The following CDKL3 variants were observed in gnomAD, a reference collection of about 807,000 sequenced individuals.
The protein encoded by CDKL3 is cyclin dependent kinase like 3.
Under a neutral mutation model 69.3 loss-of-function variants are expected in CDKL3, and 65 were observed. The ratio of observed to expected loss-of-function variants is 0.94; its 90% CI spans 0.77 to 1.15. The LOEUF (loss-of-function observed/expected upper bound fraction) is 1.15, where lower values mean the gene tolerates loss of function less well. Among genes scored for constraint, CDKL3 ranks in the 50% most tolerant of loss-of-function variants. The pLI is 0.00. For synonymous variants in CDKL3, 202 were observed against 221.6 expected, an observed-to-expected ratio of 0.91 and a Z score of 0.79; for missense variants, 652 against 689.2, an observed-to-expected ratio of 0.95 and a Z score of 0.61.
At chr5:134,346,981 T>C (rs544616984) in intron 4 of CDKL3, among the ~76,000 whole-genome samples, 4 of 152,168 alleles carry the variant, frequency 2.6e-5, no homozygotes, top group African/African-American at 7.2e-5. Context: ...AGTTTCTCTA[T>C]GTGAACTATA....
chr5:134,326,019 C>T (rs576282070), intron 4 of CDKL3, among the ~76,000 whole-genome samples: 87 of 150,874 alleles, frequency 5.8e-4, no homozygotes, highest in African/African-American at 1.9e-3. Flanking sequence ...ATGATCCGCA[C>T]GCCTCGGCCT....
intron 4 of CDKL3, among the ~76,000 whole-genome samples, chr5:134,340,733 C>T (rs1038737488): frequency 5.3e-5 from 8 of 151,846 alleles, no homozygotes; most frequent in South Asian, 2.1e-4. Context: ...AAAAACTACC[C>T]GCAAAGAAAA....
intron 4 of CDKL3, among the ~76,000 whole-genome samples, chr5:134,347,709 A>AG (rs1399526945): frequency 6.6e-6 from 1 of 151,150 alleles, no homozygotes; most frequent in Admixed American, 6.6e-5. Flanking sequence ...AAAAAAAAAA[A>AG]AAAAAAAAAA....
downstream of CDKL3, among the ~76,000 whole-genome samples, chr5:134,284,272 C>T (rs1764755571): frequency 6.6e-6 from 1 of 152,174 alleles, no homozygotes; most frequent in African/African-American, 2.4e-5. Flanking sequence ...ACAGCTGGGC[C>T]TCCGGGGGTG....
chr5:134,343,041 C>CA (rs1750919178), intron 4 of CDKL3, among the ~76,000 whole-genome samples: 1 of 151,986 alleles, frequency 6.6e-6, no homozygotes, highest in African/African-American at 2.4e-5. Flanking sequence ...CCCGTCTCTA[C>CA]AAAAAATTTA....
chr5:134,365,132 G>A (rs1452008558), intron 2 of CDKL3, among the ~76,000 whole-genome samples: 2 of 151,912 alleles, frequency 1.3e-5, no homozygotes, highest in Non-Finnish European at 2.9e-5. Context: ...ACAAGCACCC[G>A]CCACCTCGCC....
chr5:134,354,945 CAAA>C (rs112013809), intron 3 of CDKL3, among the ~76,000 whole-genome samples: 1 of 122,568 alleles, frequency 8.2e-6, no homozygotes. Context: ...GACTCCGTCT[CAAA>C]AAAAAAAAAA....
At chr5:134,284,022 A>C (rs1764741867), downstream of CDKL3, among the ~76,000 whole-genome samples, 1 of 152,102 alleles carries the variant, frequency 6.6e-6, no homozygotes, top group South Asian at 2.1e-4. Flanking sequence ...CTAATGCAAG[A>C]GGTGGGTTCC....
At chr5:134,368,430 A>C (rs1478523584), upstream of CDKL3, among the ~76,000 whole-genome samples, 1 of 152,112 alleles carries the variant, frequency 6.6e-6, no homozygotes, top group African/African-American at 2.4e-5. Context: ...CATCCTGGCT[A>C]ACACGGTGAA....
At chr5:134,354,378 G>A (rs1029204529) in intron 3 of CDKL3, among the ~76,000 whole-genome samples, 7 of 152,162 alleles carry the variant, frequency 4.6e-5, no homozygotes, top group African/African-American at 1.7e-4. Context: ...ATGTCTCAGT[G>A]ACAGAAATCT....
intron 4 of CDKL3, among the ~76,000 whole-genome samples, chr5:134,338,415 T>C (rs562650177): frequency 4.1e-4 from 62 of 151,952 alleles, no homozygotes; most frequent in African/African-American, 1.5e-3. Context: ...AAAGGCCAGG[T>C]GTGGTGGCTC....
intron 4 of CDKL3, among the ~76,000 whole-genome samples, chr5:134,333,354 T>C (rs1776267304): frequency 6.6e-6 from 1 of 152,232 alleles, no homozygotes; most frequent in African/African-American, 2.4e-5. Flanking sequence ...AATACTGTGC[T>C]GAATAGGAGT....
At chr5:134,363,492 A>C (rs1210161629) in intron 2 of CDKL3, among the ~76,000 whole-genome samples, 3 of 109,342 alleles carry the variant, frequency 2.7e-5, no homozygotes, top group African/African-American at 3.7e-5. Context: ...ACAGAGTCTC[A>C]CTCTGTCGCC....
At chr5:134,365,491 T>A (rs1392160865) in intron 2 of CDKL3, among the ~76,000 whole-genome samples, 1 of 152,142 alleles carries the variant, frequency 6.6e-6, no homozygotes, top group Non-Finnish European at 1.5e-5. Flanking sequence ...TTGCTGCATT[T>A]TAGCAAGGGT....
chr5:134,338,056 G>A (rs1777540830), intron 4 of CDKL3, among the ~76,000 whole-genome samples: 1 of 152,014 alleles, frequency 6.6e-6, no homozygotes, highest in South Asian at 2.1e-4. Flanking sequence ...AAAATAATAT[G>A]CATGCAATAC....
chr5:134,325,523 T>C (rs1561558994), intron 4 of CDKL3, among the ~76,000 whole-genome samples: 1 of 152,170 alleles, frequency 6.6e-6, no homozygotes, highest in Non-Finnish European at 1.5e-5. Context: ...CTTTAATTGT[T>C]ATTTAATAAC....
At chr5:134,348,528 A>T (rs1461011821) in intron 4 of CDKL3, among the ~76,000 whole-genome samples, 5 of 152,194 alleles carry the variant, frequency 3.3e-5, no homozygotes, top group African/African-American at 4.8e-5. Context: ...GTTATGCAGA[A>T]TACAAGAGAT....
upstream of CDKL3, chr5:134,371,321 A>C (rs1758378879): frequency 1.7e-6 from 1 of 572,522 alleles, no homozygotes; most frequent in Admixed American, 3.1e-5. Flanking sequence ...CAGGAAGCCC[A>C]GGGGGAACCG....
At chr5:134,308,538 A>C (rs774403461) in intron 8 of CDKL3, 36 bp downstream of exon 8, 7 of 1,555,202 alleles carry the variant, frequency 4.5e-6, no homozygotes. Flanking sequence ...ACTATAATAT[A>C]ATTATACTGG....
Sources: gnomAD v4.1 joint callset for allele counts (sites outside exome capture counted in the v4.1 genomes callset) on GRCh38, gnomAD v4.1.1 for gene constraint, MANE v1.5 for transcripts, NCBI Gene and HGNC (gene_info 2026-07-23, HGNC 2026-07-21) for gene names.